The following SLMAP variants were observed in gnomAD, a reference collection of about 807,000 sequenced individuals.
SLMAP encodes the protein sarcolemma associated protein, also known as sarcolemmal membrane-associated protein.
Under a neutral mutation model 128.8 loss-of-function variants are expected in SLMAP, and 44 were observed. That is an observed-to-expected ratio of 0.34 (90% CI 0.27 to 0.44). The LOEUF is 0.44. Ranked by LOEUF, SLMAP falls within the 20% of genes least tolerant of loss-of-function variation. The pLI, the probability that SLMAP is intolerant of heterozygous loss-of-function variation, is 1.00. For missense variants in SLMAP, 787 were observed against 985.3 expected (o/e 0.80, Z 2.69); for synonymous variants, 327 against 348.8 (o/e 0.94, Z 0.70).
intron 2 of SLMAP, among the ~76,000 whole-genome samples, chr3:57,796,280 G>C (rs548885378): frequency 6.2e-4 from 95 of 152,318 alleles, no homozygotes; most frequent in African/African-American, 2.2e-3. Flanking sequence ...GGGATGTTTA[G>C]TAAAATAAAA....
rs184004187 is a variant in SLMAP, at chr3:57,889,595, C to A, written c.1301-446C>A. 5.2e-4 allele frequency among the ~76,000 whole-genome samples: 79 copies of A among 152,186 alleles called. No individual in the cohort carries two copies. The Middle Eastern group carries it at 0.031, about 59-fold the overall frequency. On this transcript the variant is annotated intron_variant, in intron 14 of 24. Coordinates refer to ENST00000671191, the MANE Select transcript of SLMAP (RefSeq NM_001377540.1). ...TTTGAATAGCTTTTCTAAAATGATT[C>A]ATTTACTGAAATACATTATATAGGC...
At chr3:57,814,797 T>C (rs1412875543) in intron 2 of SLMAP, among the ~76,000 whole-genome samples, 2 of 151,904 alleles carry the variant, frequency 1.3e-5, no homozygotes, top group Non-Finnish European at 2.9e-5. Flanking sequence ...AACAAAGTGA[T>C]GCCTGTCTCT....
intron 4 of SLMAP, among the ~76,000 whole-genome samples, chr3:57,842,430 T>C (rs2093983468): frequency 6.6e-6 from 1 of 152,200 alleles, no homozygotes; most frequent in African/African-American, 2.4e-5. Flanking sequence ...AGCTTAATTA[T>C]TAAAATTAAA....
chr3:57,856,769 T>A (rs1326187494), intron 6 of SLMAP, among the ~76,000 whole-genome samples: 1 of 152,222 alleles, frequency 6.6e-6, no homozygotes, highest in Non-Finnish European at 1.5e-5. Context: ...TTATGTATTA[T>A]GTACTATATA....
chr3:57,775,256 G>C (rs2081610134), intron 2 of SLMAP, among the ~76,000 whole-genome samples: 1 of 150,858 alleles, frequency 6.6e-6, no homozygotes, highest in Non-Finnish European at 1.5e-5. Flanking sequence ...GGGTTTCACC[G>C]TGGTCTCGAT....
At chr3:57,873,764 C>G (rs1283402516) in intron 14 of SLMAP, among the ~76,000 whole-genome samples, 1 of 152,036 alleles carries the variant, frequency 6.6e-6, no homozygotes, top group Non-Finnish European at 1.5e-5. Flanking sequence ...CCCTTGAGGC[C>G]AGGAGATCAA....
intron 15 of SLMAP, among the ~76,000 whole-genome samples, chr3:57,892,859 A>C (rs1243751035): frequency 8.3e-6 from 1 of 121,118 alleles, no homozygotes; most frequent in Non-Finnish European, 1.6e-5. Context: ...TTGGAGATGG[A>C]GTCTCGCTCT....
At chr3:57,859,097 G>A (rs1245584823) in intron 8 of SLMAP, among the ~76,000 whole-genome samples, 2 of 152,148 alleles carry the variant, frequency 1.3e-5, no homozygotes, top group East Asian at 3.8e-4. Flanking sequence ...GCCAAGGCAG[G>A]CGGATTGCTT....
chr3:57,915,728 A>G (rs893580077), intron 21 of SLMAP, among the ~76,000 whole-genome samples: 2 of 152,240 alleles, frequency 1.3e-5, no homozygotes, highest in Admixed American at 6.5e-5. Context: ...TCCCTAACAC[A>G]GCTATACTGT....
chr3:57,760,305 A>C (rs937028431), intron 2 of SLMAP, among the ~76,000 whole-genome samples: 1 of 152,188 alleles, frequency 6.6e-6, no homozygotes, highest in Non-Finnish European at 1.5e-5. Flanking sequence ...TACCATTTTC[A>C]CTTTTTTCCT....
intron 2 of SLMAP, among the ~76,000 whole-genome samples, chr3:57,820,741 T>A (rs1236203603): frequency 1.3e-5 from 2 of 152,208 alleles, no homozygotes; most frequent in Non-Finnish European, 2.9e-5. Context: ...AGCGGGGGAC[T>A]CAGCTCTCTC....
At chr3:57,896,490 C>T (rs1170503576) in intron 15 of SLMAP, 21 bp from the exon 16 acceptor site, 11 of 1,579,286 alleles carry the variant, frequency 7.0e-6, no homozygotes, top group South Asian at 4.7e-5. Flanking sequence ...TAAGATTTTA[C>T]TTTTATTTTT....
intron 14 of SLMAP, among the ~76,000 whole-genome samples, chr3:57,885,228 A>G (rs1456635025): frequency 6.6e-6 from 1 of 151,334 alleles, no homozygotes; most frequent in East Asian, 1.9e-4. Context: ...ACCCACCACC[A>G]CGCCCGGCTA....
At chr3:57,858,733 G>C (rs1186026479) in intron 8 of SLMAP, among the ~76,000 whole-genome samples, 1 of 152,014 alleles carries the variant, frequency 6.6e-6, no homozygotes, top group Non-Finnish European at 1.5e-5. Flanking sequence ...ACCTGAGCTC[G>C]AGAGTTCAAG....
chr3:57,757,729 G>A lies in SLMAP; in HGVS notation c.78G>A (p.Glu26=), dbSNP rs1575933200. ...PFQERHVYLD[E]PIKIGRSVAR... The stretch of plus-strand genomic sequence containing the variant: ...AGGAGCGTCATGTCTACCTGGACGA[G>A]CCCATCAAAATCGGCCGCTCAGTGG... The change falls in exon 2 of 25, where the codon GAG becomes GAA. Residue 26 remains glutamate (E), a synonymous_variant. Transcript: ENST00000671191. The A allele has an allele frequency of 6.2e-7, 1 of 1,614,178 alleles. No homozygotes were observed. Among genetic ancestry groups the A allele is most frequent in the African/African-American group, 1.3e-5 (1 of 75,042 alleles).
At chr3:57,769,941 T>C (rs1168286095) in intron 2 of SLMAP, among the ~76,000 whole-genome samples, 1 of 152,132 alleles carries the variant, frequency 6.6e-6, no homozygotes, top group Non-Finnish European at 1.5e-5. Flanking sequence ...TAAGATATAG[T>C]TTAAAAGTCT....
rs550934564 is a variant in SLMAP at position 57,927,143 on chromosome 3, T to C, written c.*7-153T>C. 9.1e-5 allele frequency: 39 copies of C among 426,408 alleles called. 2 individuals carry two copies. The South Asian group carries it at 2.0e-3, about 22-fold the overall frequency. The allele number at this position is 426,408 out of a possible 1,614,324, so 26.4% of individuals were successfully genotyped here. Reference sequence around the variant, plus strand: ...TTCTTATACCTGCACTCCCTCACTTTTTTTTTTCTTTTCAAACTTTATATT... The same window carrying C: ...TTCTTATACCTGCACTCCCTCACTTCTTTTTTTCTTTTCAAACTTTATATT... On this transcript the variant is annotated intron_variant, in intron 24 of 24. Coordinates refer to ENST00000671191, the MANE Select transcript of SLMAP (RefSeq NM_001377540.1).
At chr3:57,924,928 T>C (rs1050718817) in intron 23 of SLMAP, among the ~76,000 whole-genome samples, 18 of 151,488 alleles carry the variant, frequency 1.2e-4, no homozygotes, top group African/African-American at 4.4e-4. Flanking sequence ...TGGTGAAGTA[T>C]TGTCAGTGTT....
rs1408971089 is a variant in SLMAP at position 57,904,584 on chromosome 3, G to A, written c.1502-3300G>A. Among the ~76,000 whole-genome samples the A allele has an allele frequency of 3.3e-5, 5 of 152,062 alleles. No homozygotes were observed. In the South Asian group the frequency reaches 8.3e-4, roughly 25 times the overall value. On this transcript the variant is annotated intron_variant, in intron 17 of 24. Transcript: ENST00000671191. ...TTACTATTCTCAAATCCAAATACCT[G>A]TTCACATTTTGACAGTTGTCTCAGT...
Sources: allele counts gnomAD v4.1 joint callset (sites outside exome capture counted in the v4.1 genomes callset), GRCh38; gene constraint gnomAD v4.1.1; transcripts MANE v1.5; gene names NCBI Gene and HGNC (gene_info 2026-07-23, HGNC 2026-07-21).